APC: variants seen among roughly 807,000 people sequenced by gnomAD.
The protein encoded by APC is adenomatous polyposis coli protein.
APC carries 72 observed loss-of-function variants against 247.0 expected under a neutral mutation model. The observed-to-expected ratio is 0.29, with a 90% CI of 0.24 to 0.35. The LOEUF is 0.35. APC is among the 10% of genes least tolerant of loss of function. The pLI is 1.00. For synonymous variants in APC, 1,254 were observed against 1,162.5 expected, an observed-to-expected ratio of 1.08 and a Z score of -1.60; for missense variants, 3,400 against 3,360.7, an observed-to-expected ratio of 1.01 and a Z score of -0.29.
At chr5:112,784,537 A>G (rs1758728607) in intron 6 of APC, among the ~76,000 whole-genome samples, 1 of 152,234 alleles carries the variant, frequency 6.6e-6, no homozygotes, top group African/African-American at 2.4e-5. Flanking sequence ...ATGTAGATAC[A>G]TATTTTAAAT....
intron 7 of APC, among the ~76,000 whole-genome samples, chr5:112,797,730 A>G (rs967777532): frequency 6.6e-6 from 1 of 152,216 alleles, no homozygotes; most frequent in African/African-American, 2.4e-5. Context: ...TATTCTTGCA[A>G]CTCATTAATA....
chr5:112,746,509 C>T (rs1753698735), intron 1 of APC, among the ~76,000 whole-genome samples: 1 of 152,032 alleles, frequency 6.6e-6, no homozygotes, highest in Non-Finnish European at 1.5e-5. Context: ...AAGCATAAAA[C>T]ATGAACAACT....
intron 2 of APC, among the ~76,000 whole-genome samples, chr5:112,762,222 A>G (rs567391499): frequency 6.6e-6 from 1 of 152,348 alleles, no homozygotes; most frequent in South Asian, 2.1e-4. Flanking sequence ...TAAAAGACTG[A>G]TCACACCAAA....
chr5:112,749,227 A>G (rs1754019467), intron 1 of APC, among the ~76,000 whole-genome samples: 1 of 152,208 alleles, frequency 6.6e-6, no homozygotes. Context: ...GATTTTTCAA[A>G]TCAACATTTG....
intron 13 of APC, among the ~76,000 whole-genome samples, chr5:112,828,208 A>G (rs1221260467): frequency 2.0e-5 from 3 of 151,924 alleles, no homozygotes; most frequent in African/African-American, 7.3e-5. Context: ...GAATTTTTGT[A>G]TTTTTTATAG....
intron 4 of APC, among the ~76,000 whole-genome samples, 175 bp downstream of exon 4, chr5:112,767,565 T>C (rs1213123157): frequency 6.6e-6 from 1 of 152,190 alleles, no homozygotes; most frequent in Non-Finnish European, 1.5e-5. Context: ...AATCTAAAAA[T>C]ATAAACAAGG....
chr5:112,740,415 C>T (rs1463898646), intron 1 of APC, among the ~76,000 whole-genome samples: 1 of 151,396 alleles, frequency 6.6e-6, no homozygotes, highest in African/African-American at 2.4e-5. Flanking sequence ...ATTCACTGCT[C>T]TGATATGGCC....
rs1057521225 is a variant in APC, at chr5:112,842,071, T to A, written c.6477T>A (p.Phe2159Leu). The change falls in exon 16 of 16, where the codon TTT becomes TTA. Residue 2159 changes from phenylalanine to leucine, a missense_variant. This residue lies in a region of APC where 1,788 missense variants were observed against 1,649.5 expected (regional missense o/e 1.08). Coordinates refer to ENST00000257430, the MANE Select transcript of APC (RefSeq NM_000038.6). ...CACCTGATCAAGAAGAAAAACCCTT[T>A]ACAAGTAATAAAGGCCCACGAATTC... ...HLTPDQEEKP[F>L]TSNKGPRILK... 6.2e-7 allele frequency: 1 copy of A among 1,612,160 alleles called. No homozygotes were observed. The highest frequency in any genetic ancestry group is 8.5e-7 in the Non-Finnish European group (1 of 1,178,330).
At chr5:112,746,677 C>G (rs1753722540) in intron 1 of APC, among the ~76,000 whole-genome samples, 1 of 152,072 alleles carries the variant, frequency 6.6e-6, no homozygotes, top group Non-Finnish European at 1.5e-5. Context: ...AGGAAAATGC[C>G]TAAACATGTT....
rs905676531 is a variant in APC, at chr5:112,839,967, C to T, written c.4373C>T (p.Pro1458Leu). The T allele has an allele frequency of 1.2e-6, 2 of 1,614,000 alleles. No homozygotes were observed. The highest frequency in any genetic ancestry group is 1.7e-5 in the Admixed American group (1 of 60,016). ...CGAGAAGTACCTAAAAATAAAGCACCTACTGCTGAAAAGAGAGAGAGTGGA... is the reference window on the plus strand; with the variant it reads ...CGAGAAGTACCTAAAAATAAAGCACTTACTGCTGAAAAGAGAGAGAGTGGA... ...TKREVPKNKA[P>L]TAEKRESGPK... Residue 1458 changes from proline (P) to leucine (L), a missense_variant, in exon 16 of 16, where the codon CCT (proline) becomes CTT (leucine). Physicochemically the swap from Pro to Leu is moderately conservative, Grantham distance 98. Around this residue, in one of 9 missense-constraint regions of APC, gnomAD observed 1,788 missense variants for 1,649.5 expected, o/e 1.08. Coordinates refer to ENST00000257430, the MANE Select transcript of APC (RefSeq NM_000038.6). This position sits in a 1 kb window ranked among gnomAD's most constrained non-coding sequence, Gnocchi z 5.0.
At chr5:112,727,688 A>T (rs1209672855) in intron 1 of APC, among the ~76,000 whole-genome samples, 2 of 152,238 alleles carry the variant, frequency 1.3e-5, no homozygotes, top group Admixed American at 6.5e-5. Flanking sequence ...AAAAGACTTT[A>T]AAAAAATCAT....
At chr5:112,824,807 C>G (rs188549817) in intron 11 of APC, among the ~76,000 whole-genome samples, 3 of 152,244 alleles carry the variant, frequency 2.0e-5, no homozygotes, top group Admixed American at 1.3e-4. Context: ...TCAAAATTCT[C>G]AGTTCTTTTA....
chr5:112,754,037 CTTCT>C (rs1754673812), intron 1 of APC, among the ~76,000 whole-genome samples: 1 of 152,086 alleles, frequency 6.6e-6, no homozygotes, highest in South Asian at 2.1e-4. Context: ...TCTTTTGTAT[CTTCT>C]TTGTCTCTCC....
intron 8 of APC, among the ~76,000 whole-genome samples, chr5:112,811,691 C>T (rs1484054621): frequency 6.6e-6 from 1 of 152,222 alleles, no homozygotes; most frequent in Non-Finnish European, 1.5e-5. Context: ...ATTGTGGAAA[C>T]AGGTTTTCCC....
At chr5:112,750,189 C>G (rs1414099742) in intron 1 of APC, among the ~76,000 whole-genome samples, 1 of 151,920 alleles carries the variant, frequency 6.6e-6, no homozygotes, top group Non-Finnish European at 1.5e-5. Context: ...TCTTGAACTC[C>G]TGACCTCAAG....
At chr5:112,741,925 T>C (rs779071195) in intron 1 of APC, among the ~76,000 whole-genome samples, 39 of 152,198 alleles carry the variant, frequency 2.6e-4, no homozygotes, top group Non-Finnish European at 5.9e-5. Context: ...GTCTCGAAGG[T>C]TCATCCATAC....
chr5:112,747,141 C>T (rs1308810224), intron 1 of APC, among the ~76,000 whole-genome samples: 1 of 152,014 alleles, frequency 6.6e-6, no homozygotes, highest in East Asian at 1.9e-4. Flanking sequence ...TAGCAGTATT[C>T]GATGTGGGGT....
intron 1 of APC, among the ~76,000 whole-genome samples, chr5:112,712,711 T>G (rs1469510348): frequency 6.6e-6 from 1 of 152,122 alleles, no homozygotes; most frequent in Non-Finnish European, 1.5e-5. Context: ...TTTGTATTCC[T>G]CTTCCCCCGA....
intron 7 of APC, among the ~76,000 whole-genome samples, chr5:112,794,296 G>A (rs572407180): frequency 8.8e-4 from 134 of 152,228 alleles, no homozygotes; most frequent in African/African-American, 3.1e-3. Flanking sequence ...GCCCAGGCTG[G>A]TCTCGAACTC....
Sources: gnomAD v4.1 joint callset for allele counts (sites outside exome capture counted in the v4.1 genomes callset) on GRCh38, gnomAD v4.1.1 for gene constraint, gnomAD v4.1.1 regional missense constraint, Gnocchi (gnomAD v3.1) non-coding constraint, MANE v1.5 for transcripts, NCBI Gene and HGNC (gene_info 2026-07-23, HGNC 2026-07-21) for gene names.